RXFP2: variants seen among roughly 807,000 people sequenced by gnomAD.
The protein encoded by RXFP2 is relaxin receptor 2.
Under a neutral mutation model 88.6 loss-of-function variants are expected in RXFP2, and 68 were observed. That is an observed-to-expected ratio of 0.77 (90% CI 0.63 to 0.94). RXFP2 has a LOEUF of 0.94. Among genes scored for constraint, RXFP2 ranks in the 40% least tolerant of loss-of-function variants. RXFP2 has a pLI of 0.00. For synonymous variants in RXFP2, 329 were observed against 306.8 expected, an observed-to-expected ratio of 1.07 and a Z score of -0.76; for missense variants, 791 against 893.9, an observed-to-expected ratio of 0.88 and a Z score of 1.47.
Position 31,775,406 on chromosome 13 carries a change from T to G in RXFP2, c.641+17T>G, listed in dbSNP as rs1299498950. ...AACTTGGCTGTAAGTACTCTAATTC[T>G]TCTTTCTCCCATAGAGGATCATAGT... On this transcript the variant is annotated intron_variant, in intron 7 of 17. Transcript: ENST00000298386. 6 of 1,552,606 alleles carry G rather than the reference T, an allele frequency of 3.9e-6. No homozygotes were observed. The highest frequency in any genetic ancestry group is 5.3e-6 in the Non-Finnish European group (6 of 1,124,068).
chr13:31,792,171 A>G (rs1489240793), intron 15 of RXFP2, 136 bp downstream of exon 15: 1 of 693,934 alleles, frequency 1.4e-6, no homozygotes. Context: ...TTTTTTTCTA[A>G]ATATAAAAGT....
In RXFP2 at chr13:31,782,849, T is replaced by G. The variant is rs557328180; in HGVS notation, c.929+102T>G. On this transcript the variant is annotated intron_variant, in intron 11 of 17. Coordinates refer to ENST00000298386, the MANE Select transcript of RXFP2 (RefSeq NM_130806.5). ...TTGCCACTAGTAGCAATCAAAATCC[T>G]GTAGACTATTGGATATTAAAAATCA... 715 of 741,980 alleles carry G rather than the reference T, an allele frequency of 9.6e-4. 9 individuals are homozygous for G. The highest frequency in any genetic ancestry group is 4.3e-3 in the Middle Eastern group (12 of 2,794). The allele number at this position is 741,980 out of a possible 1,614,324, so 46.0% of individuals were successfully genotyped here. A position where few individuals can be genotyped will look rare whatever the true frequency, so the allele number is the denominator to read the frequency against.
chr13:31,743,806 T>G (rs9548931), intron 1 of RXFP2, among the ~76,000 whole-genome samples: 34,333 of 151,858 alleles, frequency 0.23, 4,104 homozygotes, highest in South Asian at 0.4. Flanking sequence ...TCTGCTCACC[T>G]TGGGCCTGCT....
chr13:31,744,240 A>G (rs77159101), intron 1 of RXFP2, among the ~76,000 whole-genome samples: 1,536 of 152,290 alleles, frequency 0.01, 36 homozygotes, highest in African/African-American at 0.035. Context: ...TTTGTCTACA[A>G]TTCTAAAATC....
In RXFP2 at chr13:31,782,735, A is replaced by T. The variant is rs1404513090; in HGVS notation, c.917A>T (p.Asn306Ile). The part of the protein sequence containing the change: ...VPEKTFSSLK[N>I]LGELDLSSNT... ...GAGAAGACATTTTCTTCATTAAAAA[A>T]TTTAGGAGAACTGTAAGTAGCATCG... is the stretch of plus-strand genomic sequence containing the variant. The change falls in exon 11 of 18, where the codon AAT becomes ATT. Residue 306 changes from asparagine (N) to isoleucine (I), a missense_variant. Asn to Ile is a moderately radical substitution (Grantham distance 149, BLOSUM62 -3). Coordinates refer to ENST00000298386, the MANE Select transcript of RXFP2 (RefSeq NM_130806.5). 1 of 1,593,622 alleles carries T rather than the reference A, an allele frequency of 6.3e-7. No homozygotes were observed. The highest frequency in any genetic ancestry group is 8.6e-7 in the Non-Finnish European group (1 of 1,161,404).
intron 3 of RXFP2, among the ~76,000 whole-genome samples, chr13:31,763,361 G>A (rs765078396): frequency 4.6e-5 from 7 of 152,014 alleles, no homozygotes; most frequent in African/African-American, 7.2e-5. Context: ...TTGGGATTAC[G>A]GGTGTGAGCC....
intron 9 of RXFP2, 93 bp from the exon 10 acceptor site, chr13:31,781,578 T>G: frequency 1.1e-6 from 1 of 896,128 alleles, no homozygotes. Flanking sequence ...TGGAATGAAG[T>G]AAAAATAAAC....
chr13:31,800,362 A>G (rs1874272996), intron 17 of RXFP2, among the ~76,000 whole-genome samples: 1 of 152,164 alleles, frequency 6.6e-6, no homozygotes. Context: ...CGAGATCAGG[A>G]GATCAAGACC....
chr13:31,760,730 TTG>T (rs1872266957), intron 2 of RXFP2, among the ~76,000 whole-genome samples: 2 of 152,176 alleles, frequency 1.3e-5, no homozygotes, highest in African/African-American at 4.8e-5. Context: ...ATTATTTTAA[TTG>T]ATTTAGGTAT....
intron 9 of RXFP2, among the ~76,000 whole-genome samples, chr13:31,778,867 T>C (rs1270258044): frequency 6.6e-6 from 1 of 152,138 alleles, no homozygotes; most frequent in African/African-American, 2.4e-5. Context: ...ACTCCTACAG[T>C]CAATTCCCTA....
At chr13:31,742,455 G>C (rs1871256590) in intron 1 of RXFP2, among the ~76,000 whole-genome samples, 1 of 152,142 alleles carries the variant, frequency 6.6e-6, no homozygotes, top group African/African-American at 2.4e-5. Flanking sequence ...TATGTTTCAG[G>C]CCAGTCATCC....
At chr13:31,774,785 G>C (rs1872870972) in intron 6 of RXFP2, 94 bp downstream of exon 6, 1 of 763,436 alleles carries the variant, frequency 1.3e-6, no homozygotes, top group Non-Finnish European at 2.4e-6. Context: ...TGATTGTAGG[G>C]AAGTGGGAGG....
chr13:31,776,114 C>CTT (rs1478659113), intron 7 of RXFP2, among the ~76,000 whole-genome samples: 119 of 136,078 alleles, frequency 8.7e-4, no homozygotes, highest in African/African-American at 3.5e-3. Flanking sequence ...TTCTTTCTTT[C>CTT]TTTCTTTCTT....
chr13:31,789,160 G>C lies in RXFP2; in HGVS notation c.1112G>C (p.Arg371Pro), dbSNP rs759652097. ...ATAGAGATTCCAAATATAAACACAC[G>C]AATGTTTCAACCCATGAAGAATCTT... ...ERIEIPNINT[R>P]MFQPMKNLSH... is the part of the protein sequence containing the mutation. The change falls in exon 14 of 18, where the codon CGA (arginine) becomes CCA (proline). Residue 371 changes from arginine to proline, a missense_variant. Physicochemically the swap from Arg to Pro is moderately radical, Grantham distance 103. Transcript: ENST00000298386. 2 of 1,608,784 alleles carry C rather than the reference G, an allele frequency of 1.2e-6. No individual in the cohort carries two copies. Among genetic ancestry groups the C allele is most frequent in the Non-Finnish European group, 1.7e-6 (2 of 1,176,230 alleles).
chr13:31,785,495 C>T (rs1224834551), intron 11 of RXFP2, among the ~76,000 whole-genome samples: 2 of 151,802 alleles, frequency 1.3e-5, no homozygotes, highest in South Asian at 2.1e-4. Context: ...AGACTGATGA[C>T]TCTTTCCTCT....
rs1319056648 is a variant in RXFP2, at chr13:31,792,755, T to C, written c.1453T>C (p.Tyr485His). ...DIKYRGQYQK[Y>H]ALLWMESVQC... ...AAAATACCGAGGGCAGTATCAGAAGTATGCCTTGCTGTGGATGGAGAGCGT... is the reference window on the plus strand; with the variant it reads ...AAAATACCGAGGGCAGTATCAGAAGCATGCCTTGCTGTGGATGGAGAGCGT... The change falls in exon 16 of 18, where the codon TAT becomes CAT. Residue 485 changes from tyrosine to histidine, a missense_variant. Transcript: ENST00000298386. 1 of 1,614,056 alleles carries C rather than the reference T, an allele frequency of 6.2e-7. No homozygotes were observed. The highest frequency in any genetic ancestry group is 8.5e-7 in the Non-Finnish European group (1 of 1,180,040).
Position 31,754,542 on chromosome 13 carries a change from A to T in RXFP2, c.95-3716A>T, listed in dbSNP as rs997624429. The stretch of plus-strand genomic sequence containing the variant: ...CAAGATTCCATCTCAAGAAGAAAAA[A>T]AAAAGCAACTCATAGTTATTTTCAT... On this transcript the variant is annotated intron_variant, in intron 1 of 17. Coordinates refer to ENST00000298386, the MANE Select transcript of RXFP2 (RefSeq NM_130806.5). Among the ~76,000 whole-genome samples the T allele has an allele frequency of 5.9e-5, 9 of 152,294 alleles. 1 individual carries two copies. The highest frequency in any genetic ancestry group is 5.9e-4 in the Admixed American group (9 of 15,294).
At chr13:31,784,588 T>A (rs1873438887) in intron 11 of RXFP2, among the ~76,000 whole-genome samples, 1 of 152,146 alleles carries the variant, frequency 6.6e-6, no homozygotes, top group Admixed American at 6.5e-5. Flanking sequence ...GCACCTGTGG[T>A]CTCCCTTCTG....
chr13:31,794,231 T>G (rs1489744586), intron 16 of RXFP2, among the ~76,000 whole-genome samples: 1 of 152,168 alleles, frequency 6.6e-6, no homozygotes, highest in Admixed American at 6.5e-5. Context: ...CTACCCTATT[T>G]GGTAGTTATT....
Sources: allele counts gnomAD v4.1 joint callset (sites outside exome capture counted in the v4.1 genomes callset), GRCh38; gene constraint gnomAD v4.1.1; transcripts MANE v1.5; gene names NCBI Gene and HGNC (gene_info 2026-07-23, HGNC 2026-07-21).